The following DIXDC1 variants were observed in gnomAD, a reference collection of about 807,000 sequenced individuals.
DIXDC1 encodes DIX domain containing 1.
In DIXDC1, 64 loss-of-function variants were observed where a neutral mutation model predicts 103.1. The observed-to-expected ratio is 0.62, with a 90% CI of 0.51 to 0.76. The LOEUF (loss-of-function observed/expected upper bound fraction) is 0.76. DIXDC1 is among the 30% of genes least tolerant of loss of function. The pLI, the probability that DIXDC1 is intolerant of heterozygous loss-of-function variation, is 0.00. For missense variants in DIXDC1, 759 were observed against 834.2 expected, an observed-to-expected ratio of 0.91 and a Z score of 1.11; for synonymous variants, 266 against 298.5, an observed-to-expected ratio of 0.89 and a Z score of 1.12.
At chr11:111,927,622 C>T (rs1468373211) in intron 1 of DIXDC1, among the ~76,000 whole-genome samples, 3 of 152,044 alleles carry the variant, frequency 2.0e-5, no homozygotes, top group African/African-American at 7.2e-5. Flanking sequence ...CTCCGTTCTC[C>T]CCAGATACCG....
At chr11:111,990,393 C>T (rs1305474466) in intron 10 of DIXDC1, among the ~76,000 whole-genome samples, 1 of 151,888 alleles carries the variant, frequency 6.6e-6, no homozygotes. Context: ...GCCCGACCTC[C>T]TAGAGGCATC....
At chr11:111,947,363 T>TA (rs1156478859) in intron 1 of DIXDC1, among the ~76,000 whole-genome samples, 1 of 152,200 alleles carries the variant, frequency 6.6e-6, no homozygotes, top group African/African-American at 2.4e-5. Flanking sequence ...TTTCATCTGC[T>TA]ACAGAAAGAG....
intron 19 of DIXDC1, among the ~76,000 whole-genome samples, chr11:112,018,373 T>C (rs1424639786): frequency 3.9e-5 from 6 of 152,242 alleles, no homozygotes; most frequent in Non-Finnish European, 8.8e-5. Flanking sequence ...TTGTCAAAGA[T>C]AGACTTTTGG....
At chr11:111,955,610 G>C (rs2137484131) in intron 1 of DIXDC1, among the ~76,000 whole-genome samples, 1 of 151,820 alleles carries the variant, frequency 6.6e-6, no homozygotes, top group Non-Finnish European at 1.5e-5. Context: ...CAAGGCGGGT[G>C]GATCACTTAA....
At chr11:111,993,066 G>T (rs1323029030) in intron 12 of DIXDC1, 62 bp downstream of exon 12, 2 of 1,517,714 alleles carry the variant, frequency 1.3e-6, no homozygotes. Flanking sequence ...GCCCGTTATT[G>T]TTGCTCAAAA....
At position 111,968,649 on chromosome 11, in the gene DIXDC1, C is replaced by T. The variant is rs782018933; in HGVS notation, c.316+11C>T. The T allele has an allele frequency of 1.9e-6, 3 of 1,603,500 alleles. No individual in the cohort carries two copies. In the African/African-American group the frequency reaches 4.0e-5, roughly 21 times the overall value. ...AGACTTCGGCTAAAGGTCAGTGCCT[C>T]ATCACATCCTTGGTGCATGAGTATA... On this transcript the variant is annotated intron_variant, in intron 3 of 19. Coordinates refer to ENST00000440460, the MANE Select transcript of DIXDC1 (RefSeq NM_001037954.4).
At chr11:111,964,924 C>T (rs1349829272) in intron 2 of DIXDC1, among the ~76,000 whole-genome samples, 1 of 152,064 alleles carries the variant, frequency 6.6e-6, no homozygotes, top group African/African-American at 2.4e-5. Flanking sequence ...CAAGAGTCTA[C>T]CAAACTAGTT....
chr11:111,980,507 G>T (rs1348696863), intron 5 of DIXDC1, among the ~76,000 whole-genome samples: 1 of 152,116 alleles, frequency 6.6e-6, no homozygotes, highest in Non-Finnish European at 1.5e-5. Context: ...TCCTTGTTGT[G>T]GGAGAGACTT....
intron 1 of DIXDC1, among the ~76,000 whole-genome samples, chr11:111,951,670 G>T (rs782730020): frequency 1.3e-5 from 2 of 152,050 alleles, no homozygotes; most frequent in Non-Finnish European, 2.9e-5. Context: ...AATCATGGGG[G>T]CAGGTCTTTC....
chr11:112,011,152 T>C (rs1464538388), intron 17 of DIXDC1, among the ~76,000 whole-genome samples: 4 of 152,208 alleles, frequency 2.6e-5, no homozygotes, highest in East Asian at 3.9e-4. Flanking sequence ...AGGATATGAA[T>C]AGACACTTCT....
chr11:111,951,630 C>T (rs782134390), intron 1 of DIXDC1, among the ~76,000 whole-genome samples: 4 of 152,118 alleles, frequency 2.6e-5, no homozygotes, highest in African/African-American at 4.8e-5. Flanking sequence ...TGAATTCCCA[C>T]GTGTTGTGGG....
At chr11:111,994,577 A>G (rs1360130117) in intron 14 of DIXDC1, among the ~76,000 whole-genome samples, 3 of 151,124 alleles carry the variant, frequency 2.0e-5, no homozygotes, top group Non-Finnish European at 4.4e-5. Flanking sequence ...GTATGTATGT[A>G]TGTGTATATT....
At chr11:111,964,708 G>T in intron 2 of DIXDC1, 30 bp downstream of exon 2, 1 of 1,560,618 alleles carries the variant, frequency 6.4e-7, no homozygotes, top group Non-Finnish European at 8.6e-7. Context: ...TGATACTAGA[G>T]TACATAGATC....
Position 111,977,410 on chromosome 11 carries a change from C to A in DIXDC1, c.656+2427C>A. On this transcript the variant is annotated intron_variant, in intron 5 of 19. Transcript: ENST00000440460. This position sits in a 1 kb window ranked among gnomAD's most constrained non-coding sequence, Gnocchi z 6.1. ...AGTGGGAGATGGGTTGAGATGCCCC[C>A]GCCAGGGGGGATGCCCGGCACCGTG... The A allele has an allele frequency of 8.7e-7, 1 of 1,155,670 alleles. No individual in the cohort carries two copies. The highest frequency in any genetic ancestry group is 1.1e-6 in the Non-Finnish European group (1 of 936,906). The allele number at this position is 1,155,670 out of a possible 1,614,324, so 71.6% of individuals were successfully genotyped here. A position where few individuals can be genotyped will look rare whatever the true frequency, so the allele number is the denominator to read the frequency against.
intron 17 of DIXDC1, among the ~76,000 whole-genome samples, chr11:112,014,959 A>G (rs1861542366): frequency 6.6e-6 from 1 of 150,946 alleles, no homozygotes. Flanking sequence ...ATCTCGGCTC[A>G]CTGCAACCTC....
chr11:111,940,593 A>T (rs1161461314), intron 1 of DIXDC1, among the ~76,000 whole-genome samples: 1 of 152,202 alleles, frequency 6.6e-6, no homozygotes, highest in Non-Finnish European at 1.5e-5. Flanking sequence ...GTTTTGAGCG[A>T]CTTGAGATTA....
rs1555174729 is a variant in DIXDC1 at position 111,992,998 on chromosome 11, A to G, written c.1266A>G (p.Glu422=). The change falls in exon 12 of 20, where the codon GAA becomes GAG. Residue 422 remains glutamate, a synonymous_variant. Transcript: ENST00000440460. The part of the protein sequence containing the change: ...KLDERNRLLG[E]YKKELGQKDR... ...ATGAGAGGAACCGGCTCTTGGGAGAATATAAAGTAAGAATGAATATCAGTT... is the reference window on the plus strand; with the variant it reads ...ATGAGAGGAACCGGCTCTTGGGAGAGTATAAAGTAAGAATGAATATCAGTT... The G allele has an allele frequency of 6.2e-7, 1 of 1,603,246 alleles. No individual in the cohort carries two copies. Among genetic ancestry groups the G allele is most frequent in the Non-Finnish European group, 8.5e-7 (1 of 1,174,868 alleles).
In DIXDC1 at chr11:112,019,127, A is replaced by G; in HGVS notation, c.*91A>G. 3 of 1,100,100 alleles carry G rather than the reference A, an allele frequency of 2.7e-6. No individual in the cohort carries two copies. The highest frequency in any genetic ancestry group is 4.4e-5 in the Admixed American group (2 of 45,466). 68.1% of individuals were successfully genotyped at this position (1,100,100 alleles called of 1,614,324 possible). The stretch of plus-strand genomic sequence containing the variant: ...GAACTAAAACCAGAATACACTAAGA[A>G]GTTTCTAGTTTGTGTGCCAAAACAG... On this transcript the variant is annotated 3_prime_UTR_variant, in exon 20 of 20. Transcript: ENST00000440460.
chr11:111,998,382 G>T lies in DIXDC1; in HGVS notation c.1756+2236G>T, dbSNP rs1555175608. 5.9e-5 allele frequency among the ~76,000 whole-genome samples: 9 copies of T among 152,056 alleles called. No homozygotes were observed. The highest frequency in any genetic ancestry group is 1.3e-4 in the Non-Finnish European group (9 of 68,016). The stretch of plus-strand genomic sequence containing the variant: ...ATTCTTGAATGTTGATGTGTCCTGG[G>T]ATTCCATCCAATTGAAGCCTAAACC... On this transcript the variant is annotated intron_variant, in intron 17 of 19. Transcript: ENST00000440460. The surrounding 1 kb of genome is among the most constrained non-coding windows in gnomAD (Gnocchi z 4.1).
Sources: gnomAD v4.1 joint callset for allele counts (sites outside exome capture counted in the v4.1 genomes callset) on GRCh38, gnomAD v4.1.1 for gene constraint, Gnocchi (gnomAD v3.1) non-coding constraint, MANE v1.5 for transcripts, NCBI Gene and HGNC (gene_info 2026-07-23, HGNC 2026-07-21) for gene names.